ERP44: variants seen among roughly 807,000 people sequenced by gnomAD.
ERP44 encodes endoplasmic reticulum resident protein 44.
Under a neutral mutation model 53.4 loss-of-function variants are expected in ERP44, and 25 were observed. The ratio of observed to expected loss-of-function variants is 0.47; its 90% CI spans 0.34 to 0.65. The LOEUF (loss-of-function observed/expected upper bound fraction) is 0.65. Ranked by LOEUF, ERP44 falls within the 30% of genes least tolerant of loss-of-function variation. The probability of loss-of-function intolerance (pLI) is 0.01; values close to 1 mark genes in which losing one functional copy is unlikely to be tolerated. For synonymous variants in ERP44, 145 were observed against 161.2 expected, an observed-to-expected ratio of 0.90 and a Z score of 0.76; for missense variants, 338 against 493.2, an observed-to-expected ratio of 0.69 and a Z score of 2.98.
chr9:100,094,463 G>A (rs1439353595), intron 1 of ERP44, among the ~76,000 whole-genome samples: 1 of 152,118 alleles, frequency 6.6e-6, no homozygotes, highest in South Asian at 2.1e-4. Context: ...TTTGAGACCA[G>A]CCTGGCCAAC....
At chr9:100,048,318 A>T (rs1447752672) in intron 4 of ERP44, among the ~76,000 whole-genome samples, 2 of 152,146 alleles carry the variant, frequency 1.3e-5, no homozygotes, top group Non-Finnish European at 2.9e-5. Flanking sequence ...AACTTAAAGT[A>T]TAATAATAAT....
chr9:100,032,229 G>A (rs932017796), intron 4 of ERP44, among the ~76,000 whole-genome samples: 4 of 152,034 alleles, frequency 2.6e-5, no homozygotes, highest in African/African-American at 9.7e-5. Context: ...ACACTTCCCT[G>A]GCCCTGTTCC....
At chr9:100,026,654 T>C (rs945821678) in intron 4 of ERP44, among the ~76,000 whole-genome samples, 1 of 152,208 alleles carries the variant, frequency 6.6e-6, no homozygotes, top group Non-Finnish European at 1.5e-5. Flanking sequence ...TAAACTAAAA[T>C]TCAATAATAT....
At chr9:100,088,003 C>T (rs554604500) in intron 1 of ERP44, among the ~76,000 whole-genome samples, 3 of 151,318 alleles carry the variant, frequency 2.0e-5, no homozygotes, top group Non-Finnish European at 4.4e-5. Context: ...TAAGTTACTA[C>T]AACAGTATTT....
intron 1 of ERP44, among the ~76,000 whole-genome samples, chr9:100,087,714 T>A (rs1479641031): frequency 6.6e-6 from 1 of 152,228 alleles, no homozygotes; most frequent in African/African-American, 2.4e-5. Context: ...CATCTAAGCA[T>A]GTGGTATCTT....
In ERP44 at chr9:99,980,289, A is replaced by G. The variant is rs1051831234; in HGVS notation, c.*2323T>C. On this transcript the variant is annotated 3_prime_UTR_variant, in exon 12 of 12. Coordinates refer to ENST00000262455, the MANE Select transcript of ERP44 (RefSeq NM_015051.3). ...GAAATAATGCTTTATTCAGCTTTAC[A>G]TCTTTCATCATATACTACAGCACCA... is the stretch of plus-strand genomic sequence containing the variant. 45 of 374,318 alleles carry G rather than the reference A, an allele frequency of 1.2e-4. No homozygotes were observed. The highest frequency in any genetic ancestry group is 1.8e-4 in the Non-Finnish European group (39 of 211,040). 23.2% of individuals were successfully genotyped at this position (374,318 alleles called of 1,614,324 possible). A position where few individuals can be genotyped will look rare whatever the true frequency, so the allele number is the denominator to read the frequency against.
chr9:100,014,989 T>C (rs1000655355), intron 8 of ERP44, among the ~76,000 whole-genome samples: 1 of 152,208 alleles, frequency 6.6e-6, no homozygotes, highest in East Asian at 1.9e-4. Context: ...TGCCTACTTC[T>C]CATTGTATCC....
Position 100,035,226 on chromosome 9 carries a change from G to A in ERP44, c.287-13000C>T, listed in dbSNP as rs1825838535. Reference sequence around the variant, plus strand: ...AACAAAAACAAAAACTGGTAAGTGGGACCTAATTAAACTAAAGAGCCTCTG... The same window carrying A: ...AACAAAAACAAAAACTGGTAAGTGGAACCTAATTAAACTAAAGAGCCTCTG... On this transcript the variant is annotated intron_variant, in intron 4 of 11. Coordinates refer to ENST00000262455, the MANE Select transcript of ERP44 (RefSeq NM_015051.3). 3.3e-5 allele frequency among the ~76,000 whole-genome samples: 5 copies of A among 152,228 alleles called. No homozygotes were observed. In the South Asian group the frequency reaches 1.0e-3, roughly 32 times the overall value.
chr9:100,033,428 A>C (rs2118675223), intron 4 of ERP44, among the ~76,000 whole-genome samples: 2 of 152,342 alleles, frequency 1.3e-5, no homozygotes, highest in African/African-American at 4.8e-5. Context: ...AAAGGAATTT[A>C]CTAAACTCAC....
intron 10 of ERP44, among the ~76,000 whole-genome samples, chr9:99,987,792 T>C (rs1018059415): frequency 5.3e-5 from 8 of 152,198 alleles, no homozygotes; most frequent in Admixed American, 3.3e-4. Context: ...CTTGGCATTA[T>C]TGCATTTGGG....
intron 10 of ERP44, among the ~76,000 whole-genome samples, chr9:99,993,120 A>T (rs909439798): frequency 6.6e-6 from 1 of 152,246 alleles, no homozygotes; most frequent in African/African-American, 2.4e-5. Context: ...TGCCATCCCC[A>T]TCAAGCTACC....
At chr9:100,091,755 T>C (rs757089833) in intron 1 of ERP44, among the ~76,000 whole-genome samples, 1 of 152,208 alleles carries the variant, frequency 6.6e-6, no homozygotes, top group African/African-American at 2.4e-5. Flanking sequence ...ATGGCAGTAT[T>C]TCTCGAACTT....
At chr9:99,985,459 ATAGT>A (rs917203787) in intron 10 of ERP44, among the ~76,000 whole-genome samples, 1 of 152,262 alleles carries the variant, frequency 6.6e-6, no homozygotes, top group Non-Finnish European at 1.5e-5. Flanking sequence ...CAAGGGAAAA[ATAGT>A]TAGGGGCTAA....
intron 3 of ERP44, among the ~76,000 whole-genome samples, chr9:100,054,765 CA>C (rs1264135019): frequency 1.3e-5 from 2 of 151,960 alleles, no homozygotes; most frequent in Non-Finnish European, 2.9e-5. Context: ...CAACCTGTAC[CA>C]AAAGACGAAA....
intron 7 of ERP44, among the ~76,000 whole-genome samples, chr9:100,017,818 CA>C (rs1830539968): frequency 6.6e-6 from 1 of 152,162 alleles, no homozygotes; most frequent in Non-Finnish European, 1.5e-5. Context: ...AGGTTAAAAA[CA>C]ACCTAGCTGC....
In ERP44 at chr9:100,027,846, G is replaced by A. The variant is rs1053029456; in HGVS notation, c.287-5620C>T. On this transcript the variant is annotated intron_variant, in intron 4 of 11. Coordinates refer to ENST00000262455, the MANE Select transcript of ERP44 (RefSeq NM_015051.3). ...TCTTATTGTTCTTCTGGTTCCAGGA[G>A]AAGGACCACTGCTGCCTATGTACTT... Among the ~76,000 whole-genome samples, 6 of 152,236 alleles carry A rather than the reference G, an allele frequency of 3.9e-5. 1 individual carries two copies. Among genetic ancestry groups the A allele is most frequent in the South Asian group, 2.1e-4 (1 of 4,820 alleles).
intron 10 of ERP44, 116 bp downstream of exon 10, chr9:100,006,390 A>G: frequency 1.3e-6 from 1 of 743,832 alleles, no homozygotes; most frequent in Non-Finnish European, 2.1e-6. Flanking sequence ...TCTCCCATCC[A>G]GTTAACAAAG....
intron 1 of ERP44, among the ~76,000 whole-genome samples, chr9:100,085,508 C>T (rs1386101538): frequency 6.6e-6 from 1 of 152,204 alleles, no homozygotes; most frequent in Non-Finnish European, 1.5e-5. Context: ...ACTATACCCC[C>T]ATGGAAGCAA....
chr9:100,022,989 G>A (rs967108935), intron 4 of ERP44, among the ~76,000 whole-genome samples: 2 of 152,006 alleles, frequency 1.3e-5, no homozygotes, highest in Non-Finnish European at 2.9e-5. Context: ...AATAAACAAC[G>A]GGAACAACTG....
Sources: allele counts gnomAD v4.1 joint callset (sites outside exome capture counted in the v4.1 genomes callset), GRCh38; gene constraint gnomAD v4.1.1; transcripts MANE v1.5; gene names NCBI Gene and HGNC (gene_info 2026-07-23, HGNC 2026-07-21).